Variants in CEP152 observed in about 807,000 individuals in gnomAD.
CEP152 encodes centrosomal protein of 152 kDa.
CEP152 carries 132 observed loss-of-function variants against 188.9 expected under a neutral mutation model. That is an observed-to-expected ratio of 0.70 (90% CI 0.61 to 0.81). CEP152 has a LOEUF of 0.81. CEP152 is among the 30% of genes least tolerant of loss of function. The pLI is 0.00. For synonymous variants in CEP152, 649 were observed against 666.6 expected (o/e 0.97, Z 0.41); for missense variants, 1,914 against 1,969.8 (o/e 0.97, Z 0.54).
At position 48,793,933 on chromosome 15, in the gene CEP152, G is replaced by A. The variant is rs539976245; in HGVS notation, c.692-472C>T. On this transcript the variant is annotated intron_variant, in intron 6 of 26. Coordinates refer to ENST00000380950, the MANE Select transcript of CEP152 (RefSeq NM_001194998.2). ...AAATCATTTTTAAAGAAAATTTCTA[G>A]ACAGCCTCAAAATATTTTATTTTAG... is the stretch of plus-strand genomic sequence containing the variant. Among the ~76,000 whole-genome samples, 8 of 152,226 alleles carry A rather than the reference G, an allele frequency of 5.3e-5. 1 individual carries two copies. The highest frequency in any genetic ancestry group is 5.2e-4 in the Admixed American group (8 of 15,292).
chr15:48,796,254 T>A (rs1301332041), intron 5 of CEP152, 94 bp from the exon 6 acceptor site: 14 of 1,400,734 alleles, frequency 1.0e-5, no homozygotes, highest in Non-Finnish European at 2.0e-6. Flanking sequence ...GTTACAGAAC[T>A]TACTTTTGGT....
chr15:48,747,806 G>C (rs1429503167), intron 22 of CEP152, among the ~76,000 whole-genome samples: 2 of 152,166 alleles, frequency 1.3e-5, no homozygotes, highest in Non-Finnish European at 2.9e-5. Flanking sequence ...CCCTTCTTCA[G>C]AGGGGCACTG....
intron 2 of CEP152, among the ~76,000 whole-genome samples, chr15:48,731,545 T>C (rs1304541491): frequency 6.6e-6 from 1 of 152,114 alleles, no homozygotes; most frequent in Non-Finnish European, 1.5e-5. Context: ...TCAAGATGGA[T>C]TAAAGACTTA....
At chr15:48,746,238 A>G (rs1893412136) in intron 22 of CEP152, among the ~76,000 whole-genome samples, 1 of 152,204 alleles carries the variant, frequency 6.6e-6, no homozygotes, top group Non-Finnish European at 1.5e-5. Context: ...CATTGTTTTG[A>G]GTGATATATC....
chr15:48,755,830 G>T, intron 20 of CEP152, 73 bp downstream of exon 20: 2 of 1,596,352 alleles, frequency 1.3e-6, no homozygotes, highest in Admixed American at 3.4e-5. Context: ...AAGGAAAAAA[G>T]GAAAAAACAC....
chr15:48,776,713 T>C (rs767632061), intron 12 of CEP152, among the ~76,000 whole-genome samples: 2 of 152,120 alleles, frequency 1.3e-5, no homozygotes, highest in African/African-American at 4.8e-5. Flanking sequence ...AAAATGACAT[T>C]ATAAAGAAAT....
chr15:48,740,803 GC>G, intron 26 of CEP152: 1 of 147,686 alleles, frequency 6.8e-6, no homozygotes, highest in Non-Finnish European at 1.4e-5. Context: ...CTGGAGCACT[GC>G]CCTGCTCCCA....
At chr15:48,801,376 A>G (rs954511803) in intron 2 of CEP152, among the ~76,000 whole-genome samples, 9 of 152,250 alleles carry the variant, frequency 5.9e-5, no homozygotes, top group African/African-American at 2.4e-5. Context: ...GCTGAGCTCA[A>G]TGGAGCTTTA....
Position 48,746,478 on chromosome 15 carries a change from C to T in CEP152, c.3635-1486G>A, listed in dbSNP as rs1299891885. Among the ~76,000 whole-genome samples, 6 of 152,202 alleles carry T rather than the reference C, an allele frequency of 3.9e-5. No individual in the cohort carries two copies. The East Asian group carries it at 1.2e-3, about 29-fold the overall frequency. ...ACAAATAACTCATTTACTCTCCTGGCCTCTACTAAAGAGCTAAGTAATCAC... is the reference window on the plus strand; with the variant it reads ...ACAAATAACTCATTTACTCTCCTGGTCTCTACTAAAGAGCTAAGTAATCAC... On this transcript the variant is annotated intron_variant, in intron 22 of 26. Transcript: ENST00000380950.
intron 5 of CEP152, 104 bp downstream of exon 5, chr15:48,797,197 A>G: frequency 7.4e-7 from 1 of 1,344,878 alleles, no homozygotes; most frequent in East Asian, 2.3e-5. Flanking sequence ...GTGTGGTTAA[A>G]TCATCTTACC....
intron 9 of CEP152, among the ~76,000 whole-genome samples, chr15:48,787,461 G>GT (rs1896738678): frequency 1.3e-5 from 2 of 151,658 alleles, no homozygotes; most frequent in Admixed American, 1.3e-4. Context: ...ATGAGCCACC[G>GT]TAACTGGCCT....
At chr15:48,755,853 CTATAA>C in intron 20 of CEP152, 45 bp downstream of exon 20, 1 of 1,609,716 alleles carries the variant, frequency 6.2e-7, no homozygotes. Flanking sequence ...TATACAACTT[CTATAA>C]TCATTCTTGG....
At chr15:48,770,796 G>C (rs1346106468) in intron 13 of CEP152, among the ~76,000 whole-genome samples, 1 of 152,174 alleles carries the variant, frequency 6.6e-6, no homozygotes, top group African/African-American at 2.4e-5. Context: ...GTCATCAAAT[G>C]TAGTTACTCA....
intron 17 of CEP152, among the ~76,000 whole-genome samples, chr15:48,763,964 G>T (rs1894879976): frequency 6.6e-6 from 1 of 152,120 alleles, no homozygotes; most frequent in African/African-American, 2.4e-5. Context: ...TCATTTTGAG[G>T]AATCAAAGAA....
intron 24 of CEP152, among the ~76,000 whole-genome samples, chr15:48,742,351 C>T (rs2140569045): frequency 6.6e-6 from 1 of 152,074 alleles, no homozygotes; most frequent in Middle Eastern, 3.4e-3. Flanking sequence ...TGGCATATTC[C>T]CCAGCTAAAT....
At chr15:48,755,464 T>C in intron 20 of CEP152, among the ~76,000 whole-genome samples, 1 of 152,172 alleles carries the variant, frequency 6.6e-6, no homozygotes, top group East Asian at 1.9e-4. Flanking sequence ...AAAAAAATTT[T>C]CAGTTTCTGA....
intron 12 of CEP152, among the ~76,000 whole-genome samples, chr15:48,775,458 T>C (rs987090014): frequency 1.5e-4 from 23 of 152,260 alleles, no homozygotes; most frequent in African/African-American, 5.5e-4. Flanking sequence ...AACAATGAAT[T>C]TCTTCACAGA....
chr15:48,738,572 C>A lies in CEP152; in HGVS notation c.4810G>T (p.Glu1604Ter). Reference sequence around the variant, plus strand: ...GAAAACTGTTTGGATTTAACAGATTCACTTGGTATTTCCAAAGTTCCTTGT... The same window carrying A: ...GAAAACTGTTTGGATTTAACAGATTAACTTGGTATTTCCAAAGTTCCTTGT... ...RPQGTLEIPS[E>*]SVKSKQFSPS... Residue 1604 changes from glutamate to a stop codon, truncating the protein, a stop_gained, in exon 27 of 27, where the codon GAA becomes TAA. Transcript: ENST00000380950. LOFTEE classifies it low-confidence loss of function (END_TRUNC). 6.2e-7 allele frequency: 1 copy of A among 1,614,178 alleles called. No individual in the cohort carries two copies. Among genetic ancestry groups the A allele is most frequent in the Non-Finnish European group, 8.5e-7 (1 of 1,180,008 alleles).
In CEP152 at chr15:48,739,100, G is replaced by T; in HGVS notation, c.4282C>A (p.His1428Asn). 1 of 1,614,184 alleles carries T rather than the reference G, an allele frequency of 6.2e-7. No homozygotes were observed. Among genetic ancestry groups the T allele is most frequent in the Non-Finnish European group, 8.5e-7 (1 of 1,180,026 alleles). Residue 1428 changes from histidine to asparagine, a missense_variant, in exon 27 of 27, where the codon CAT (histidine) becomes AAT (asparagine). Transcript: ENST00000380950. ...NLQRLLENSE[H>N]QSIKHVGSKE... ...GATCCCACATGCTTTATGCTCTGAT[G>T]CTCTGAGTTCTCTAACAGCCTTTGT...
Sources: gnomAD v4.1 joint callset for allele counts (sites outside exome capture counted in the v4.1 genomes callset) on GRCh38, gnomAD v4.1.1 for gene constraint, MANE v1.5 for transcripts, NCBI Gene and HGNC (gene_info 2026-07-23, HGNC 2026-07-21) for gene names.